THSD4: variants seen among roughly 807,000 people sequenced by gnomAD.
The protein encoded by THSD4 is thrombospondin type 1 domain containing 4.
In THSD4, 69 loss-of-function variants were observed where a neutral mutation model predicts 119.0. The observed-to-expected ratio is 0.58, with a 90% CI of 0.48 to 0.71. THSD4 has a LOEUF of 0.71. THSD4 is among the 30% of genes least tolerant of loss of function. The probability of loss-of-function intolerance (pLI) is 0.00; values close to 1 mark genes in which losing one functional copy is unlikely to be tolerated. For missense variants in THSD4, 1,393 were observed against 1,391.1 expected (o/e 1.00, Z -0.02); for synonymous variants, 524 against 540.4 (o/e 0.97, Z 0.42).
intron 15 of THSD4, among the ~76,000 whole-genome samples, chr15:71,763,584 G>A (rs1456645261): frequency 1.4e-5 from 2 of 145,216 alleles, no homozygotes; most frequent in African/African-American, 2.7e-5. Context: ...AGTCTTGCTC[G>A]TCACCCAGGC....
intron 7 of THSD4, among the ~76,000 whole-genome samples, chr15:71,437,252 C>T (rs913811478): frequency 6.6e-6 from 1 of 152,198 alleles, no homozygotes; most frequent in Non-Finnish European, 1.5e-5. Context: ...CATTCATGAG[C>T]GATCCACTCC....
chr15:71,241,211 G>A (rs1375174167), intron 4 of THSD4, among the ~76,000 whole-genome samples: 1 of 152,190 alleles, frequency 6.6e-6, no homozygotes, highest in Non-Finnish European at 1.5e-5. Flanking sequence ...TATTATGGAA[G>A]CATATAATTT....
At chr15:71,530,896 G>T (rs2140812539) in intron 7 of THSD4, among the ~76,000 whole-genome samples, 1 of 151,832 alleles carries the variant, frequency 6.6e-6, no homozygotes, top group East Asian at 1.9e-4. Context: ...ATGAGGAAGG[G>T]GGTCTAGAAA....
At chr15:71,543,586 G>A (rs1567028750) in intron 7 of THSD4, among the ~76,000 whole-genome samples, 1 of 152,220 alleles carries the variant, frequency 6.6e-6, no homozygotes. Context: ...GAGGAAACAG[G>A]AGGAAGAACA....
intron 7 of THSD4, chr15:71,547,378 C>T: frequency 6.5e-7 from 1 of 1,548,522 alleles, no homozygotes; most frequent in Non-Finnish European, 8.7e-7. Flanking sequence ...AGACGGAGTT[C>T]TCCTCTAGGG....
At chr15:71,338,180 C>A (rs1445830379) in intron 6 of THSD4, among the ~76,000 whole-genome samples, 3 of 152,036 alleles carry the variant, frequency 2.0e-5, no homozygotes, top group Admixed American at 1.3e-4. Context: ...CTGGAGTTTC[C>A]CTAATTAGCT....
At chr15:71,306,344 T>C (rs1366873565) in intron 6 of THSD4, among the ~76,000 whole-genome samples, 2 of 136,618 alleles carry the variant, frequency 1.5e-5, no homozygotes, top group Non-Finnish European at 3.1e-5. Flanking sequence ...AAAAAGGGAA[T>C]GGTATTATAT....
At chr15:71,627,909 C>T (rs1321951362) in intron 7 of THSD4, among the ~76,000 whole-genome samples, 3 of 152,192 alleles carry the variant, frequency 2.0e-5, no homozygotes, top group Non-Finnish European at 4.4e-5. Context: ...ACTATGTTTT[C>T]AGGAAGACAA....
At chr15:71,587,791 AAAAAAAAAG>A (rs766983936) in intron 7 of THSD4, among the ~76,000 whole-genome samples, 21,416 of 119,444 alleles carry the variant, frequency 0.18, 1,802 homozygotes, top group Admixed American at 0.22. Flanking sequence ...AAAAATTAAA[AAAAAAAAAG>A]AAAAAAAAAA....
At chr15:71,687,418 G>T (rs185372490) in intron 8 of THSD4, among the ~76,000 whole-genome samples, 1 of 152,134 alleles carries the variant, frequency 6.6e-6, no homozygotes, top group Admixed American at 6.5e-5. Context: ...ATAAGAGACC[G>T]TGAAAAACCA....
At chr15:71,190,769 C>G (rs2043664225) in intron 3 of THSD4, among the ~76,000 whole-genome samples, 1 of 152,110 alleles carries the variant, frequency 6.6e-6, no homozygotes, top group South Asian at 2.1e-4. Context: ...AAAAATTCGT[C>G]TCTAACAGCA....
At chr15:71,771,739 A>G (rs1009614036) in intron 17 of THSD4, among the ~76,000 whole-genome samples, 4 of 152,182 alleles carry the variant, frequency 2.6e-5, no homozygotes, top group Admixed American at 1.3e-4. Context: ...AGGCCACACA[A>G]TGGTCAGAGT....
intron 6 of THSD4, among the ~76,000 whole-genome samples, chr15:71,398,609 C>T (rs1424896661): frequency 6.6e-6 from 1 of 152,056 alleles, no homozygotes; most frequent in Non-Finnish European, 1.5e-5. Flanking sequence ...ATGTTTGTTA[C>T]CATTGACAGA....
At chr15:71,471,492 G>A (rs2047579562) in intron 7 of THSD4, among the ~76,000 whole-genome samples, 1 of 152,060 alleles carries the variant, frequency 6.6e-6, no homozygotes, top group Non-Finnish European at 1.5e-5. Context: ...GCCCCTCTGA[G>A]GCCCTCCAGC....
At chr15:71,268,755 C>T (rs1343858271) in intron 6 of THSD4, among the ~76,000 whole-genome samples, 4 of 142,874 alleles carry the variant, frequency 2.8e-5, no homozygotes, top group African/African-American at 1.0e-4. Flanking sequence ...ATGAATCAAA[C>T]AGACACAATA....
At chr15:71,135,793 C>G (rs2040545642) in intron 1 of THSD4, among the ~76,000 whole-genome samples, 1 of 152,034 alleles carries the variant, frequency 6.6e-6, no homozygotes, top group Admixed American at 6.6e-5. Flanking sequence ...CACCTCCATG[C>G]ATTATGGGGC....
chr15:71,766,333 G>A (rs2053717074), intron 16 of THSD4, among the ~76,000 whole-genome samples: 3 of 152,046 alleles, frequency 2.0e-5, no homozygotes, highest in Admixed American at 1.3e-4. Flanking sequence ...GGTTGGGGTG[G>A]GAAGTGGAGG....
intron 6 of THSD4, among the ~76,000 whole-genome samples, chr15:71,267,006 C>T (rs1183399169): frequency 1.3e-5 from 2 of 151,996 alleles, no homozygotes; most frequent in South Asian, 2.1e-4. Context: ...CTGAAAGTGA[C>T]GGGAAGAATG....
chr15:71,216,736 C>G (rs1352387146), intron 4 of THSD4, among the ~76,000 whole-genome samples: 1 of 152,212 alleles, frequency 6.6e-6, no homozygotes, highest in East Asian at 1.9e-4. Context: ...CTCCTAAAGC[C>G]GAAGGCTAGA....
Sources: gnomAD v4.1 joint callset for allele counts (sites outside exome capture counted in the v4.1 genomes callset) on GRCh38, gnomAD v4.1.1 for gene constraint, MANE v1.5 for transcripts, NCBI Gene and HGNC (gene_info 2026-07-23, HGNC 2026-07-21) for gene names.